Variants in MGST1 observed in about 807,000 individuals in gnomAD.
MGST1 encodes the protein glutathione S-transferase 12.
A neutral mutation model predicts 8.9 loss-of-function variants in MGST1; 5 were observed. That is an observed-to-expected ratio of 0.56 (90% CI 0.29 to 1.19). The LOEUF is 1.19. Among genes scored for constraint, MGST1 ranks in the 50% most tolerant of loss-of-function variants. MGST1 has a pLI of 0.08. For missense variants in MGST1, 182 were observed against 187.4 expected (o/e 0.97, Z 0.17); for synonymous variants, 54 against 67.8 (o/e 0.80, Z 1.00).
At chr12:16,454,916 G>C (rs974864552) in intron 4 of MGST1, among the ~76,000 whole-genome samples, 2 of 146,146 alleles carry the variant, frequency 1.4e-5, no homozygotes, top group Non-Finnish European at 3.0e-5. Flanking sequence ...GAGATGGGAA[G>C]ATTTGAGGAG....
chr12:16,439,696 T>C (rs1378588730), downstream of MGST1, among the ~76,000 whole-genome samples: 2 of 151,804 alleles, frequency 1.3e-5, no homozygotes, highest in South Asian at 2.1e-4. Flanking sequence ...CTGATTTAGG[T>C]ATACCCACAA....
At chr12:16,350,572 C>CTGCA (rs9332889) in intron 1 of MGST1, among the ~76,000 whole-genome samples, 152 of 152,328 alleles carry the variant, frequency 1.0e-3, no homozygotes, top group African/African-American at 3.4e-3. Context: ...TTTGTTGTGG[C>CTGCA]TGCAGAGCCA....
rs117811975 is a variant in MGST1 at position 16,526,288 on chromosome 12, A to G, written n.483-63240A>G. On this transcript the variant is annotated intron_variant and non_coding_transcript_variant, in intron 4 of 4. Transcript: ENST00000538857. ...TTTTTAGGAACCCATTTTTTAAGTA[A>G]TAAAGTTAAGTCCCAGGGAGCTAAG... 1.3e-3 allele frequency among the ~76,000 whole-genome samples: 195 copies of G among 152,114 alleles called. 3 individuals carry two copies. The East Asian group carries it at 0.032, about 25-fold the overall frequency.
At chr12:16,476,221 A>G (rs559367809) in intron 4 of MGST1, among the ~76,000 whole-genome samples, 1 of 152,334 alleles carries the variant, frequency 6.6e-6, no homozygotes, top group South Asian at 2.1e-4. Flanking sequence ...TAACATCATA[A>G]GCTAGCTGAC....
chr12:16,544,284 A>G lies in MGST1; in HGVS notation n.483-45244A>G, dbSNP rs1223590794. The stretch of plus-strand genomic sequence containing the variant: ...CACACAAAACATAACCTACTAGTCA[A>G]TCTGCCTGCATTGCATCAGGGTCTA... On this transcript the variant is annotated intron_variant and non_coding_transcript_variant, in intron 4 of 4. Coordinates refer to the MGST1 transcript ENST00000538857. This position sits in a 1 kb window ranked among gnomAD's most constrained non-coding sequence, Gnocchi z 4.8. 6.7e-6 allele frequency among the ~76,000 whole-genome samples: 1 copy of G among 150,030 alleles called. No homozygotes were observed. The highest frequency in any genetic ancestry group is 1.5e-5 in the Non-Finnish European group (1 of 67,490).
intron 1 of MGST1, among the ~76,000 whole-genome samples, chr12:16,352,410 G>C (rs1435608840): frequency 6.6e-6 from 1 of 152,158 alleles, no homozygotes; most frequent in Non-Finnish European, 1.5e-5. Flanking sequence ...TTAAAGGCAG[G>C]AATGAACATC....
chr12:16,532,424 T>G (rs1376218607), intron 4 of MGST1, among the ~76,000 whole-genome samples: 3 of 152,116 alleles, frequency 2.0e-5, no homozygotes, highest in Non-Finnish European at 2.9e-5. Flanking sequence ...AAACTTCAGA[T>G]TGGACTAAGG....
At chr12:16,558,686 G>A (rs1412267732) in intron 4 of MGST1, among the ~76,000 whole-genome samples, 1 of 151,946 alleles carries the variant, frequency 6.6e-6, no homozygotes, top group Non-Finnish European at 1.5e-5. Context: ...TGACTGTCTG[G>A]GTAACTATTA....
chr12:16,471,590 A>C (rs993097586), intron 4 of MGST1, among the ~76,000 whole-genome samples: 2 of 152,222 alleles, frequency 1.3e-5, no homozygotes, highest in African/African-American at 2.4e-5. Flanking sequence ...ACAACAAAAC[A>C]AACTGAAACC....
rs573617218 is a variant in MGST1, at chr12:16,565,217, C to T, written n.483-24311C>T. 1.1e-4 allele frequency among the ~76,000 whole-genome samples: 16 copies of T among 152,236 alleles called. No individual in the cohort carries two copies. The South Asian group carries it at 3.3e-3, about 32-fold the overall frequency. ...CTTTCGAAGACTATGAAATTGCAAT[C>T]AATTGAAAAGATTTTTAACTTTTGA... On this transcript the variant is annotated intron_variant and non_coding_transcript_variant, in intron 4 of 4. Transcript: ENST00000538857.
intron 4 of MGST1, among the ~76,000 whole-genome samples, chr12:16,474,799 G>C (rs1941310755): frequency 6.6e-6 from 1 of 152,182 alleles, no homozygotes; most frequent in Non-Finnish European, 1.5e-5. Context: ...TCAGAAGCTA[G>C]TGTGTTTGTG....
chr12:16,417,666 G>A (rs1940798970), intron 1 of MGST1, among the ~76,000 whole-genome samples: 1 of 151,942 alleles, frequency 6.6e-6, no homozygotes, highest in Non-Finnish European at 1.5e-5. Flanking sequence ...CCAATAAGGG[G>A]GTATGCTCAA....
rs181151266 is a variant in MGST1 at position 16,409,830 on chromosome 12, G to T, written n.778+26226G>T. Among the ~76,000 whole-genome samples the T allele has an allele frequency of 2.0e-5, 3 of 152,232 alleles. No individual in the cohort carries two copies. In the East Asian group the frequency reaches 5.8e-4, roughly 29 times the overall value. On this transcript the variant is annotated intron_variant and non_coding_transcript_variant, in intron 1 of 1. Transcript: ENST00000359720. ...CCCCAGAGTTTAGCACCCTTTGCTT[G>T]CACCAAGTGCCTCAGGTTATAGGCA...
chr12:16,412,935 T>C (rs1264544702), intron 1 of MGST1, among the ~76,000 whole-genome samples: 2 of 152,076 alleles, frequency 1.3e-5, no homozygotes, highest in Admixed American at 1.3e-4. Flanking sequence ...CAACCTTTAA[T>C]GGGGAGAAGA....
Position 16,362,602 on chromosome 12 carries a change from G to C in MGST1, c.222-1193G>C, listed in dbSNP as rs866747654. ...CTCCATTTCTAGCCTAGATTCTAAA[G>C]CAATTTCTAATTCTGTAGACTTAAG... is the stretch of plus-strand genomic sequence containing the variant. On this transcript the variant is annotated intron_variant, in intron 3 of 3. Coordinates refer to ENST00000396210, the MANE Select transcript of MGST1 (RefSeq NM_020300.5). The surrounding 1 kb of genome is among the most constrained non-coding windows in gnomAD (Gnocchi z 4.4). 26 of 152,246 alleles carry C rather than the reference G, an allele frequency of 1.7e-4. No individual in the cohort carries two copies. Among genetic ancestry groups the C allele is most frequent in the African/African-American group, 6.0e-4 (25 of 41,542 alleles). The allele number at this position is 152,246 out of a possible 1,614,324, so 9.4% of individuals were successfully genotyped here. A position where few individuals can be genotyped will look rare whatever the true frequency, so the allele number is the denominator to read the frequency against.
At chr12:16,567,053 G>T (rs1273530375) in intron 4 of MGST1, among the ~76,000 whole-genome samples, 1 of 152,130 alleles carries the variant, frequency 6.6e-6, no homozygotes, top group Admixed American at 6.5e-5. Flanking sequence ...AAAATTAGCT[G>T]GGTGTGTTGG....
At chr12:16,499,664 C>T (rs1373890737) in intron 4 of MGST1, among the ~76,000 whole-genome samples, 1 of 151,646 alleles carries the variant, frequency 6.6e-6, no homozygotes, top group Admixed American at 6.6e-5. Context: ...TCTCTCTACA[C>T]CATTTGATTC....
At chr12:16,433,008 A>G (rs1940952909) in intron 1 of MGST1, among the ~76,000 whole-genome samples, 1 of 152,044 alleles carries the variant, frequency 6.6e-6, no homozygotes, top group Non-Finnish European at 1.5e-5. Flanking sequence ...ATAGATGTGT[A>G]TATAAAGGGG....
chr12:16,426,704 C>T (rs188698973), intron 1 of MGST1, among the ~76,000 whole-genome samples: 32 of 152,248 alleles, frequency 2.1e-4, no homozygotes, highest in African/African-American at 6.5e-4. Flanking sequence ...GTAATCCCAG[C>T]GCTTTGGGAG....
Sources: allele counts gnomAD v4.1 joint callset (sites outside exome capture counted in the v4.1 genomes callset), GRCh38; gene constraint gnomAD v4.1.1; non-coding constraint Gnocchi (gnomAD v3.1); transcripts MANE v1.5; gene names NCBI Gene and HGNC (gene_info 2026-07-23, HGNC 2026-07-21).